KCNMA1: variants seen among roughly 807,000 people sequenced by gnomAD.
KCNMA1 encodes potassium calcium-activated channel subfamily M alpha 1, also known as Calcium-activated potassium channel subunit alpha-1.
In KCNMA1, 29 loss-of-function variants were observed where a neutral mutation model predicts 140.0. The ratio of observed to expected loss-of-function variants is 0.21; its 90% CI spans 0.15 to 0.28. The LOEUF is 0.28. Ranked by LOEUF, KCNMA1 falls within the 10% of genes least tolerant of loss-of-function variation. KCNMA1 has a pLI of 1.00. For missense variants in KCNMA1, 880 were observed against 1,602.2 expected, an observed-to-expected ratio of 0.55 and a Z score of 7.70; for synonymous variants, 612 against 611.9, an observed-to-expected ratio of 1.00 and a Z score of 0.00.
At chr10:77,426,869 G>T (rs1178462935) in intron 1 of KCNMA1, among the ~76,000 whole-genome samples, 1 of 152,190 alleles carries the variant, frequency 6.6e-6, no homozygotes, top group Non-Finnish European at 1.5e-5. Flanking sequence ...TCCAACTTGT[G>T]ACCTGGACCC....
chr10:77,104,545 C>T (rs1163259092), intron 9 of KCNMA1, among the ~76,000 whole-genome samples: 2 of 152,178 alleles, frequency 1.3e-5, no homozygotes, highest in African/African-American at 4.8e-5. Flanking sequence ...ATAATCCAAA[C>T]CCATCCCATT....
intron 5 of KCNMA1, among the ~76,000 whole-genome samples, chr10:77,178,372 C>T (rs936321271): frequency 4.6e-5 from 7 of 152,140 alleles, no homozygotes; most frequent in Non-Finnish European, 8.8e-5. Context: ...TACTTTCCTC[C>T]TACTCCCTTC....
chr10:77,045,925 A>T (rs2095026785), intron 14 of KCNMA1, among the ~76,000 whole-genome samples: 1 of 152,228 alleles, frequency 6.6e-6, no homozygotes, highest in African/African-American at 2.4e-5. Flanking sequence ...ATTGTCATAT[A>T]CTAGTCCTTA....
intron 3 of KCNMA1, among the ~76,000 whole-genome samples, chr10:77,234,912 T>C (rs553666124): frequency 6.6e-6 from 1 of 152,290 alleles, no homozygotes; most frequent in Admixed American, 6.5e-5. Flanking sequence ...CTGAGAAAGC[T>C]AAGATCCTGT....
intron 17 of KCNMA1, among the ~76,000 whole-genome samples, chr10:77,014,128 A>C (rs567497999): frequency 6.6e-6 from 1 of 152,318 alleles, no homozygotes; most frequent in South Asian, 2.1e-4. Context: ...TGGTACGAAC[A>C]CTTAAAATCT....
At chr10:77,032,162 C>A (rs779377981) in intron 15 of KCNMA1, among the ~76,000 whole-genome samples, 3 of 152,162 alleles carry the variant, frequency 2.0e-5, no homozygotes, top group Non-Finnish European at 4.4e-5. Flanking sequence ...TCCTTGGGAC[C>A]TTCTAGAGAC....
chr10:77,502,628 C>T (rs2044331093), intron 1 of KCNMA1, among the ~76,000 whole-genome samples: 1 of 152,154 alleles, frequency 6.6e-6, no homozygotes, highest in African/African-American at 2.4e-5. Flanking sequence ...AAGAGAAGAA[C>T]TTCAGTCCAT....
At chr10:77,486,376 GACCATT>G (rs1400085266) in intron 1 of KCNMA1, among the ~76,000 whole-genome samples, 3 of 152,024 alleles carry the variant, frequency 2.0e-5, no homozygotes, top group African/African-American at 7.2e-5. Flanking sequence ...GTGATCTCGG[GACCATT>G]ACTCAAACTG....
chr10:77,121,112 G>T, intron 5 of KCNMA1, 64 bp from the exon 6 acceptor site: 1 of 1,077,524 alleles, frequency 9.3e-7, no homozygotes, highest in Non-Finnish European at 1.4e-6. Flanking sequence ...TTCACAGTCT[G>T]CCATTTGATT....
chr10:77,495,719 G>T (rs1345034083), intron 1 of KCNMA1, among the ~76,000 whole-genome samples: 1 of 152,190 alleles, frequency 6.6e-6, no homozygotes, highest in East Asian at 1.9e-4. Flanking sequence ...GCCGTGCTGG[G>T]CCACCATACT....
intron 5 of KCNMA1, among the ~76,000 whole-genome samples, chr10:77,139,873 T>C (rs2098128036): frequency 6.6e-6 from 1 of 151,814 alleles, no homozygotes; most frequent in East Asian, 1.9e-4. Context: ...GGACAGAAAA[T>C]GAGCCACAAC....
At chr10:77,607,310 C>T (rs1227265668) in intron 1 of KCNMA1, among the ~76,000 whole-genome samples, 2 of 152,164 alleles carry the variant, frequency 1.3e-5, no homozygotes, top group African/African-American at 4.8e-5. Flanking sequence ...TTGCAAAAGG[C>T]ATTGCTTCCT....
At chr10:77,439,247 A>G (rs1173468530) in intron 1 of KCNMA1, among the ~76,000 whole-genome samples, 2 of 152,228 alleles carry the variant, frequency 1.3e-5, no homozygotes, top group Non-Finnish European at 2.9e-5. Context: ...CACCTAGATT[A>G]TACCATAAAC....
chr10:77,108,348 A>T lies in KCNMA1; in HGVS notation c.1223+133T>A. 1 of 1,583,898 alleles carries T rather than the reference A, an allele frequency of 6.3e-7. No homozygotes were observed. The highest frequency in any genetic ancestry group is 1.8e-5 in the Admixed American group (1 of 56,122). Reference sequence around the variant, plus strand: ...TATTCCGACTCAGGATGAGAGCAGCAATTTCGGGCACGTAGCGGGCAAACA... The same window carrying T: ...TATTCCGACTCAGGATGAGAGCAGCTATTTCGGGCACGTAGCGGGCAAACA... On this transcript the variant is annotated intron_variant, in intron 9 of 27. Transcript: ENST00000286628. The surrounding 1 kb of genome is among the most constrained non-coding windows in gnomAD (Gnocchi z 4.6).
intron 1 of KCNMA1, among the ~76,000 whole-genome samples, chr10:77,499,207 A>G (rs1001990323): frequency 6.6e-6 from 1 of 152,140 alleles, no homozygotes; most frequent in African/African-American, 2.4e-5. Context: ...TTTAGAAAGC[A>G]CTCTCAAAAT....
At chr10:76,882,823 G>A (rs1033159312), downstream of KCNMA1, among the ~76,000 whole-genome samples, 2 of 152,214 alleles carry the variant, frequency 1.3e-5, no homozygotes, top group East Asian at 1.9e-4. Flanking sequence ...GTCAGCCAGT[G>A]TAGTGACAGG....
At chr10:77,257,936 C>A (rs2061155010) in intron 2 of KCNMA1, among the ~76,000 whole-genome samples, 2 of 152,164 alleles carry the variant, frequency 1.3e-5, no homozygotes, top group Admixed American at 1.3e-4. Context: ...TTGGGTATGT[C>A]TTTATCAGCA....
intron 6 of KCNMA1, among the ~76,000 whole-genome samples, chr10:77,115,734 C>T (rs975160543): frequency 2.6e-5 from 4 of 152,280 alleles, no homozygotes; most frequent in Non-Finnish European, 5.9e-5. Context: ...GGAGCTCTTG[C>T]CATATGCAGA....
At chr10:77,378,768 A>G (rs965296971) in intron 2 of KCNMA1, among the ~76,000 whole-genome samples, 2 of 152,230 alleles carry the variant, frequency 1.3e-5, no homozygotes, top group Non-Finnish European at 2.9e-5. Flanking sequence ...ATGCAAACAT[A>G]AAGCATGGTG....
Sources: gnomAD v4.1 joint callset for allele counts (sites outside exome capture counted in the v4.1 genomes callset) on GRCh38, gnomAD v4.1.1 for gene constraint, Gnocchi (gnomAD v3.1) non-coding constraint, MANE v1.5 for transcripts, NCBI Gene and HGNC (gene_info 2026-07-23, HGNC 2026-07-21) for gene names.